RGS5: variants seen among roughly 807,000 people sequenced by gnomAD.
The protein encoded by RGS5 is regulator of G protein signaling 5, also known as regulator of G-protein signalling 5.
In RGS5, 20 loss-of-function variants were observed where a neutral mutation model predicts 18.9. That is an observed-to-expected ratio of 1.06 (90% CI 0.74 to 1.54). The LOEUF is 1.54. RGS5 is among the 40% of genes most tolerant of loss of function. RGS5 has a pLI of 0.00. For synonymous variants in RGS5, 57 were observed against 76.2 expected (o/e 0.75, Z 1.31); for missense variants, 201 against 211.8 (o/e 0.95, Z 0.32).
Position 163,147,106 on chromosome 1 carries a change from A to C in RGS5, c.*236T>G. ...CTGATTGTGTCTGACTACAAGCTGA[A>C]GATATCTTAATTAATAACAGGGCAG... On this transcript the variant is annotated 3_prime_UTR_variant, in exon 5 of 5. Transcript: ENST00000313961. The C allele has an allele frequency of 5.8e-6, 2 of 343,928 alleles. No homozygotes were observed. Among genetic ancestry groups the C allele is most frequent in the Non-Finnish European group, 1.0e-5 (2 of 192,408 alleles). 21.3% of individuals were successfully genotyped at this position (343,928 alleles called of 1,614,324 possible).
At chr1:163,272,342 T>C (rs1038894541) in intron 2 of RGS5, among the ~76,000 whole-genome samples, 7 of 152,152 alleles carry the variant, frequency 4.6e-5, no homozygotes, top group Non-Finnish European at 1.0e-4. Flanking sequence ...AAATATCTTC[T>C]GCTAGTGTGA....
rs185217150 is a variant in RGS5, at chr1:163,183,063, C to T, written c.45-14695G>A. Among the ~76,000 whole-genome samples, 6 of 152,278 alleles carry T rather than the reference C, an allele frequency of 3.9e-5. No homozygotes were observed. The East Asian group carries it at 1.2e-3, about 29-fold the overall frequency. On this transcript the variant is annotated intron_variant, in intron 1 of 4. Transcript: ENST00000313961. ...AGTTCCCAGAACTTTAATGTGTCCT[C>T]TCATAATACATTTACACAAAAGATA... is the stretch of plus-strand genomic sequence containing the variant.
At chr1:163,262,151 C>CTTTT (rs532698783) in intron 2 of RGS5, among the ~76,000 whole-genome samples, 51 of 121,082 alleles carry the variant, frequency 4.2e-4, no homozygotes, top group Non-Finnish European at 4.8e-4. Context: ...AGTTTTGAAA[C>CTTTT]TTTTTTTTTT....
chr1:163,317,761 AT>A (rs765004579), intron 1 of RGS5, among the ~76,000 whole-genome samples: 3 of 152,048 alleles, frequency 2.0e-5, no homozygotes, highest in Non-Finnish European at 4.4e-5. Context: ...CTTCATAAAC[AT>A]TGTTAGCCTC....
upstream of RGS5, among the ~76,000 whole-genome samples, chr1:163,203,282 G>A (rs997816782): frequency 2.0e-5 from 3 of 152,114 alleles, no homozygotes; most frequent in African/African-American, 7.2e-5. Flanking sequence ...GGACTGTAAG[G>A]GCTCCTGGAG....
intron 2 of RGS5, among the ~76,000 whole-genome samples, chr1:163,302,533 C>T (rs1488126502): frequency 6.6e-6 from 1 of 152,064 alleles, no homozygotes; most frequent in Non-Finnish European, 1.5e-5. Context: ...GCATTGTCAC[C>T]CTGGATCAGA....
intron 1 of RGS5, among the ~76,000 whole-genome samples, chr1:163,314,750 G>C (rs1259552978): frequency 1.3e-5 from 2 of 152,080 alleles, no homozygotes. Context: ...TTCATGACAG[G>C]GGAGCCTTCA....
At chr1:163,280,820 T>C (rs1333176123) in intron 2 of RGS5, among the ~76,000 whole-genome samples, 1 of 152,174 alleles carries the variant, frequency 6.6e-6, no homozygotes, top group Non-Finnish European at 1.5e-5. Flanking sequence ...AAAGCAATAT[T>C]GAACAAAAAG....
At chr1:163,193,145 T>C (rs142717621) in intron 1 of RGS5, among the ~76,000 whole-genome samples, 12 of 152,206 alleles carry the variant, frequency 7.9e-5, no homozygotes, top group Admixed American at 3.3e-4. Context: ...GACTCTAATA[T>C]GATAGTTCCA....
chr1:163,307,314 C>T (rs1258596867), intron 1 of RGS5, among the ~76,000 whole-genome samples: 2 of 152,250 alleles, frequency 1.3e-5, no homozygotes, highest in Non-Finnish European at 1.5e-5. Context: ...AATTTTCTTC[C>T]ACATAAATCT....
At chr1:163,154,573 A>G (rs572003139) in intron 3 of RGS5, among the ~76,000 whole-genome samples, 1 of 152,152 alleles carries the variant, frequency 6.6e-6, no homozygotes, top group South Asian at 2.1e-4. Flanking sequence ...AGGGAAAAGG[A>G]AAACAAGGAA....
chr1:163,296,939 C>A (rs1649436654), intron 2 of RGS5, among the ~76,000 whole-genome samples: 1 of 152,104 alleles, frequency 6.6e-6, no homozygotes, highest in South Asian at 2.1e-4. Flanking sequence ...TAAAAGGAAT[C>A]TTTATTTGCA....
intron 1 of RGS5, among the ~76,000 whole-genome samples, chr1:163,195,236 A>G (rs1294959995): frequency 1.3e-5 from 2 of 152,200 alleles, no homozygotes; most frequent in African/African-American, 2.4e-5. Flanking sequence ...GTATACATAT[A>G]CCATGTTGTA....
At chr1:163,198,031 T>A (rs894650289) in intron 1 of RGS5, among the ~76,000 whole-genome samples, 2 of 152,146 alleles carry the variant, frequency 1.3e-5, no homozygotes, top group Admixed American at 1.3e-4. Context: ...CAACCTCAGA[T>A]TAGTTCATTA....
At chr1:163,293,451 G>C (rs1249795839) in intron 2 of RGS5, among the ~76,000 whole-genome samples, 2 of 152,228 alleles carry the variant, frequency 1.3e-5, no homozygotes, top group Admixed American at 1.3e-4. Flanking sequence ...CATGATAACA[G>C]CAAAGGGGAA....
At chr1:163,147,923 T>TTTTCTTTTTTTTTC (rs1450642560) in intron 4 of RGS5, among the ~76,000 whole-genome samples, 1 of 132,644 alleles carries the variant, frequency 7.5e-6, no homozygotes, top group Admixed American at 7.5e-5. Context: ...TTTTTCTTTT[T>TTTTCTTTTTTTTTC]TTTTTTTTTT....
chr1:163,231,829 T>C lies in RGS5; in HGVS notation c.-280-63461A>G, dbSNP rs1486175513. On this transcript the variant is annotated intron_variant, in intron 2 of 5. Coordinates refer to the RGS5 transcript ENST00000618415. ...AAAATTGTTACTTCATTCAAAGCAA[T>C]AGGGAAACAGCAGGCCTTCCACCTT... 2.6e-5 allele frequency among the ~76,000 whole-genome samples: 4 copies of C among 151,298 alleles called. No individual in the cohort carries two copies. The East Asian group carries it at 5.8e-4, about 22-fold the overall frequency.
At chr1:163,318,252 C>T (rs1373638071) in intron 1 of RGS5, among the ~76,000 whole-genome samples, 2 of 152,034 alleles carry the variant, frequency 1.3e-5, no homozygotes, top group Non-Finnish European at 2.9e-5. Context: ...AAAACAGTGG[C>T]AAGATAATGA....
intron 2 of RGS5, among the ~76,000 whole-genome samples, chr1:163,235,227 C>G (rs1647592227): frequency 1.3e-5 from 2 of 152,146 alleles, no homozygotes; most frequent in Non-Finnish European, 2.9e-5. Flanking sequence ...TCATATAAAT[C>G]CGGTCCAGAT....
Sources: gnomAD v4.1 joint callset for allele counts (sites outside exome capture counted in the v4.1 genomes callset) on GRCh38, gnomAD v4.1.1 for gene constraint, MANE v1.5 for transcripts, NCBI Gene and HGNC (gene_info 2026-07-23, HGNC 2026-07-21) for gene names.